The following ZCCHC8 variants were observed in gnomAD, a reference collection of about 807,000 sequenced individuals.
ZCCHC8 encodes the protein zinc finger CCHC-type containing 8.
ZCCHC8 carries 27 observed loss-of-function variants against 70.6 expected under a neutral mutation model. The observed-to-expected ratio is 0.38, with a 90% confidence interval of 0.28 to 0.53. ZCCHC8 has a LOEUF of 0.53. Among genes scored for constraint, ZCCHC8 ranks in the 20% least tolerant of loss-of-function variants. The pLI is 0.81. For synonymous variants in ZCCHC8, 293 were observed against 317.4 expected (o/e 0.92, Z 0.82); for missense variants, 737 against 876.9 (o/e 0.84, Z 2.01).
Position 122,483,684 on chromosome 12 carries a change from C to CAAGGAAGTTATTAT in ZCCHC8, c.502-122_502-121insATAATAACTTCCTT. 1 of 851,172 alleles carries CAAGGAAGTTATTAT rather than the reference C, an allele frequency of 1.2e-6. No homozygotes were observed. The highest frequency in any genetic ancestry group is 1.8e-6 in the Non-Finnish European group (1 of 555,510). The allele number at this position is 851,172 out of a possible 1,614,324, so 52.7% of individuals were successfully genotyped here. A position where few individuals can be genotyped will look rare whatever the true frequency, so the allele number is the denominator to read the frequency against. On this transcript the variant is annotated intron_variant, in intron 5 of 13. Coordinates refer to ENST00000633063, the MANE Select transcript of ZCCHC8 (RefSeq NM_017612.5). The surrounding 1 kb of genome is among the most constrained non-coding windows in gnomAD (Gnocchi z 4.4). ...TGGATGGAATTATTAGAAATAATAA[C>CAAGGAAGTTATTAT]TTCCTTGTTATTAAGGAGCCAGACT...
rs2137312039 is a variant in ZCCHC8 at position 122,472,067 on chromosome 12, T to G, written c.*1430A>C. 6.6e-6 allele frequency: 1 copy of G among 152,312 alleles called. No individual in the cohort carries two copies. The highest frequency in any genetic ancestry group is 2.1e-4 in the South Asian group (1 of 4,824). 9.4% of individuals were successfully genotyped at this position (152,312 alleles called of 1,614,324 possible). A position where few individuals can be genotyped will look rare whatever the true frequency, so the allele number is the denominator to read the frequency against. On this transcript the variant is annotated 3_prime_UTR_variant, in exon 14 of 14. Transcript: ENST00000633063. ...TATTTTTATACAAAGGCTAGCTGCA[T>G]GCCATTCATTTTTCAAAATAATTAC...
chr12:122,491,620 G>A (rs935821414), intron 3 of ZCCHC8, among the ~76,000 whole-genome samples: 5 of 151,722 alleles, frequency 3.3e-5, no homozygotes, highest in Non-Finnish European at 5.9e-5. Context: ...CCTGAGGTCG[G>A]GAGTTTGAGA....
chr12:122,488,061 T>G (rs1383862424), intron 5 of ZCCHC8, among the ~76,000 whole-genome samples: 3 of 150,744 alleles, frequency 2.0e-5, no homozygotes, highest in African/African-American at 7.3e-5. Flanking sequence ...AGACAGAGTC[T>G]CACTCTGTTG....
intron 5 of ZCCHC8, chr12:122,484,106 GTTTGT>G (rs1957590104): frequency 6.5e-6 from 1 of 152,770 alleles, no homozygotes; most frequent in South Asian, 2.1e-4. Flanking sequence ...ACACTTTTTT[GTTTGT>G]TTTGAGATAG....
chr12:122,475,288 G>C (rs952995229), intron 13 of ZCCHC8, among the ~76,000 whole-genome samples: 2 of 151,902 alleles, frequency 1.3e-5, no homozygotes, highest in African/African-American at 4.8e-5. Context: ...CAAGTGATCC[G>C]CCCACCTCGG....
chr12:122,481,479 A>AG, intron 10 of ZCCHC8, 43 bp downstream of exon 10: 1 of 1,514,846 alleles, frequency 6.6e-7, no homozygotes, highest in South Asian at 1.4e-5. Context: ...TAAAAAAAAA[A>AG]AGGAAACACT....
At chr12:122,487,841 A>T (rs1462342607) in intron 5 of ZCCHC8, among the ~76,000 whole-genome samples, 1 of 151,914 alleles carries the variant, frequency 6.6e-6, no homozygotes, top group African/African-American at 2.4e-5. Context: ...TTATATACAC[A>T]TATGTATCTA....
intron 3 of ZCCHC8, among the ~76,000 whole-genome samples, chr12:122,491,296 A>G (rs1215643302): frequency 1.3e-5 from 2 of 152,218 alleles, no homozygotes; most frequent in Non-Finnish European, 2.9e-5. Flanking sequence ...AGATTTCTGT[A>G]GATGGGCAGA....
chr12:122,479,891 TC>T (rs1957496798), intron 11 of ZCCHC8, among the ~76,000 whole-genome samples: 1 of 152,202 alleles, frequency 6.6e-6, no homozygotes, highest in South Asian at 2.1e-4. Context: ...TCTAGTGTGA[TC>T]TCACCTCACT....
intron 13 of ZCCHC8, among the ~76,000 whole-genome samples, chr12:122,477,093 A>G (rs979455927): frequency 2.0e-5 from 3 of 151,934 alleles, no homozygotes; most frequent in African/African-American, 7.2e-5. Flanking sequence ...CTTTGAAGTC[A>G]CTTGTGCAAA....
chr12:122,490,479 A>C lies in ZCCHC8; in HGVS notation c.406T>G (p.Phe136Val), dbSNP rs1460554119. The change falls in exon 4 of 14, where the codon TTT becomes GTT. Residue 136 changes from phenylalanine (F) to valine (V), a missense_variant. Phe to Val is a conservative substitution (Grantham distance 50). Coordinates refer to ENST00000633063, the MANE Select transcript of ZCCHC8 (RefSeq NM_017612.5). ...TGAAATACCTGGGGCAAAAGATTAA[A>C]GGAAGTCTTTTCCACATCATTTTTC... ...QQKNDVEKTS[F>V]NLLPQPSSIV... 1 of 1,612,242 alleles carries C rather than the reference A, an allele frequency of 6.2e-7. No homozygotes were observed.
chr12:122,482,122 T>C (rs1352409770), intron 8 of ZCCHC8, 35 bp from the exon 9 acceptor site: 2 of 1,554,604 alleles, frequency 1.3e-6, no homozygotes, highest in South Asian at 2.5e-5. Flanking sequence ...AATGGTTTCA[T>C]GCAACTCAGA....
intron 13 of ZCCHC8, 120 bp downstream of exon 13, chr12:122,477,721 C>A: frequency 1.3e-6 from 1 of 743,400 alleles, no homozygotes; most frequent in Admixed American, 2.3e-5. Context: ...ACCCGGGAGG[C>A]AGAGGTTGCG....
chr12:122,484,648 C>T (rs1301670227), intron 5 of ZCCHC8, among the ~76,000 whole-genome samples: 1 of 151,948 alleles, frequency 6.6e-6, no homozygotes, highest in African/African-American at 2.4e-5. Context: ...CCGCCTCAGC[C>T]TCCCAAAGTG....
intron 5 of ZCCHC8, among the ~76,000 whole-genome samples, chr12:122,486,412 CAAAAAAAAA>C (rs762392385): frequency 0.055 from 2,783 of 50,926 alleles, 111 homozygotes; most frequent in African/African-American, 0.16. Context: ...GAGGCTGTCT[CAAAAAAAAA>C]AAAAAAAAAA....
chr12:122,481,427 G>T, intron 10 of ZCCHC8, 95 bp downstream of exon 10: 1 of 1,442,706 alleles, frequency 6.9e-7, no homozygotes, highest in Non-Finnish European at 9.3e-7. Context: ...ACACATTAAA[G>T]AAGCCGGCCA....
rs1422568962 is a variant in ZCCHC8 at position 122,477,995 on chromosome 12, G to A, written c.1228-37C>T. On this transcript the variant is annotated intron_variant, in intron 12 of 13. Coordinates refer to ENST00000633063, the MANE Select transcript of ZCCHC8 (RefSeq NM_017612.5). ...ACCAGACCAAACACAAGTTAAGCGGGGTAGATAATGAATTAAACTCCATCC... is the reference window on the plus strand; with the variant it reads ...ACCAGACCAAACACAAGTTAAGCGGAGTAGATAATGAATTAAACTCCATCC... The A allele has an allele frequency of 4.0e-6, 6 of 1,490,820 alleles. No homozygotes were observed. In the African/African-American group the frequency reaches 8.3e-5, roughly 21 times the overall value. The allele number at this position is 1,490,820 out of a possible 1,614,324, so 92.3% of individuals were successfully genotyped here.
At chr12:122,482,304 G>A (rs1957551880) in intron 8 of ZCCHC8, 5 of 466,086 alleles carry the variant, frequency 1.1e-5, no homozygotes, top group Non-Finnish European at 1.8e-5. Context: ...AAGTTTTTAG[G>A]ATAAACTCTA....
In ZCCHC8 at chr12:122,500,844, G is replaced by C; in HGVS notation, c.-4C>G. On this transcript the variant is annotated 5_prime_UTR_variant, in exon 1 of 14. Coordinates refer to ENST00000633063, the MANE Select transcript of ZCCHC8 (RefSeq NM_017612.5). The surrounding 1 kb of genome is among the most constrained non-coding windows in gnomAD (Gnocchi z 4.8). ...CAAAATACACCTCTGCGGCCATTTT[G>C]GGCTGTGGAAAAGATTCGAGAAGAG... 6.4e-7 allele frequency: 1 copy of C among 1,564,384 alleles called. No homozygotes were observed. Among genetic ancestry groups the C allele is most frequent in the Non-Finnish European group, 8.7e-7 (1 of 1,154,804 alleles).
Sources: allele counts gnomAD v4.1 joint callset (sites outside exome capture counted in the v4.1 genomes callset), GRCh38; gene constraint gnomAD v4.1.1; non-coding constraint Gnocchi (gnomAD v3.1); transcripts MANE v1.5; gene names NCBI Gene and HGNC (gene_info 2026-07-23, HGNC 2026-07-21).